Variants in OR1L6 observed in about 807,000 individuals in gnomAD.
The protein encoded by OR1L6 is olfactory receptor family 1 subfamily L member 6.
Under a neutral mutation model 3.0 loss-of-function variants are expected in OR1L6, and 2 were observed. The observed-to-expected ratio is 0.68, with a 90% CI of 0.28 to 2.13. OR1L6 has a LOEUF of 2.13. OR1L6 is among the 30% of genes most tolerant of loss of function. The probability of loss-of-function intolerance (pLI) is 0.14; values close to 1 mark genes in which losing one functional copy is unlikely to be tolerated. For synonymous variants in OR1L6, 121 were observed against 148.4 expected (o/e 0.82, Z 1.34); for missense variants, 304 against 378.4 (o/e 0.80, Z 1.63).
intron 1 of OR1L6, among the ~76,000 whole-genome samples, chr9:122,746,973 CT>C: frequency 6.6e-6 from 1 of 152,102 alleles, no homozygotes; most frequent in South Asian, 2.1e-4. Flanking sequence ...CATTTCATTT[CT>C]TGCTTGGAAT....
At chr9:122,743,915 G>C (rs1300682272) in intron 1 of OR1L6, among the ~76,000 whole-genome samples, 1 of 152,196 alleles carries the variant, frequency 6.6e-6, no homozygotes, top group Non-Finnish European at 1.5e-5. Context: ...TCTGTTGACA[G>C]AGGACACACC....
intron 1 of OR1L6, among the ~76,000 whole-genome samples, chr9:122,743,628 A>G (rs956099918): frequency 6.6e-6 from 1 of 152,202 alleles, no homozygotes; most frequent in Non-Finnish European, 1.5e-5. Context: ...CAAAACGTGG[A>G]CCCAGAAGAC....
chr9:122,750,093 G>C lies in OR1L6; in HGVS notation c.246G>C (p.Met82Ile). Residue 82 changes from methionine to isoleucine, a missense_variant, in exon 2 of 2, where the codon ATG (methionine) becomes ATC (isoleucine). Met to Ile is a conservative substitution (Grantham distance 10). This residue lies in a region of OR1L6 where 192 missense variants were observed against 242.7 expected (regional missense o/e 0.79). Transcript: ENST00000304720. ...TCACAACAGTCATAGTGCCTAAGAT[G>C]CTGGTGAATTTTCTATCAGAGACAA... is the stretch of plus-strand genomic sequence containing the variant. ...ICFTTVIVPK[M>I]LVNFLSETKV... 6.2e-7 allele frequency: 1 copy of C among 1,614,116 alleles called. No homozygotes were observed. Among genetic ancestry groups the C allele is most frequent in the Non-Finnish European group, 8.5e-7 (1 of 1,180,000 alleles).
intron 1 of OR1L6, chr9:122,749,627 G>A (rs1051512097): frequency 6.5e-6 from 4 of 610,930 alleles, no homozygotes; most frequent in African/African-American, 3.7e-5. Flanking sequence ...AAAATGGCAT[G>A]AACCCGAGAG....
rs556768596 is a variant in OR1L6 at position 122,749,107 on chromosome 9, T to C, written c.-13-728T>C. 1.1e-4 allele frequency among the ~76,000 whole-genome samples: 17 copies of C among 152,352 alleles called. 1 individual carries two copies. Among genetic ancestry groups the C allele is most frequent in the Admixed American group, 6.5e-5 (1 of 15,308 alleles). ...TATTTCTTTCTGTATTCTGTTCCAT[T>C]GATCTGTGTGTCTGTTTTTATACAG... On this transcript the variant is annotated intron_variant, in intron 1 of 1. Coordinates refer to ENST00000304720, the MANE Select transcript of OR1L6 (RefSeq NM_001004453.3).
chr9:122,747,098 T>C (rs1828844446), intron 1 of OR1L6, among the ~76,000 whole-genome samples: 1 of 152,124 alleles, frequency 6.6e-6, no homozygotes. Context: ...TTTATTTCTA[T>C]GTGTGGGTTA....
intron 1 of OR1L6, 139 bp downstream of exon 1, chr9:122,742,512 T>A (rs1236939013): frequency 6.6e-6 from 1 of 152,222 alleles, no homozygotes; most frequent in Non-Finnish European, 1.5e-5. Flanking sequence ...TATTTTTTCC[T>A]CTCTCTCTTT....
At chr9:122,747,761 G>A (rs1456443267) in intron 1 of OR1L6, among the ~76,000 whole-genome samples, 4 of 151,670 alleles carry the variant, frequency 2.6e-5, no homozygotes, top group African/African-American at 9.7e-5. Flanking sequence ...GTTTGGTAAA[G>A]TCTTCATAGA....
In OR1L6 at chr9:122,750,138, C is replaced by T. The variant is rs565102917; in HGVS notation, c.291C>T (p.Gly97=). The change falls in exon 2 of 2, where the codon GGC becomes GGT. Residue 97 remains glycine, a synonymous_variant. Coordinates refer to ENST00000304720, the MANE Select transcript of OR1L6 (RefSeq NM_001004453.3). ...AGACAAAGGTTATCTCCTATGTGGGCTGCCTGGCCCAGATGTACTTCTTTA... is the reference window on the plus strand; with the variant it reads ...AGACAAAGGTTATCTCCTATGTGGGTTGCCTGGCCCAGATGTACTTCTTTA... ...LSETKVISYV[G]CLAQMYFFMA... is the part of the protein sequence containing the mutation. 6.2e-7 allele frequency: 1 copy of T among 1,613,520 alleles called. No homozygotes were observed. Among genetic ancestry groups the T allele is most frequent in the East Asian group, 2.2e-5 (1 of 44,886 alleles).
chr9:122,746,032 TC>T (rs1384046071), intron 1 of OR1L6, among the ~76,000 whole-genome samples: 1 of 152,034 alleles, frequency 6.6e-6, no homozygotes, highest in African/African-American at 2.4e-5. Context: ...TGCCCTCCAC[TC>T]CCCGACAGCC....
chr9:122,747,139 G>T (rs1828844754), intron 1 of OR1L6, among the ~76,000 whole-genome samples: 2 of 152,048 alleles, frequency 1.3e-5, no homozygotes, highest in Non-Finnish European at 2.9e-5. Context: ...CTTTCCAAGT[G>T]TTCAACCAAT....
intron 1 of OR1L6, 125 bp from the exon 2 acceptor site, chr9:122,749,710 A>G (rs1564249669): frequency 1.1e-6 from 1 of 934,476 alleles, no homozygotes; most frequent in South Asian, 1.5e-5. Context: ...TCCGTCTCAA[A>G]GAAAAAAAAA....
In OR1L6 at chr9:122,750,572, G is replaced by A. The variant is rs778209463; in HGVS notation, c.725G>A (p.Cys242Tyr). 4.3e-6 allele frequency: 7 copies of A among 1,613,590 alleles called. No homozygotes were observed. In the Admixed American group the frequency reaches 1.2e-4, roughly 27 times the overall value. ...AAGKWKAFST[C>Y]GSHLTAVALF... ...GGGAAGTGGAAGGCCTTCTCTACCT[G>A]TGGCTCCCACCTCACTGCAGTAGCC... The change falls in exon 2 of 2, where the codon TGT becomes TAT. Residue 242 changes from cysteine (C) to tyrosine (Y), a missense_variant. Cys to Tyr is a radical substitution (Grantham distance 194). Around this residue, in one of 3 missense-constraint regions of OR1L6, gnomAD observed 91 missense variants for 87.8 expected, o/e 1.04. Coordinates refer to ENST00000304720, the MANE Select transcript of OR1L6 (RefSeq NM_001004453.3).
At chr9:122,747,049 T>C (rs1249424584) in intron 1 of OR1L6, among the ~76,000 whole-genome samples, 1 of 152,152 alleles carries the variant, frequency 6.6e-6, no homozygotes, top group African/African-American at 2.4e-5. Context: ...TACTTTGTAG[T>C]TTGGATTTTT....
At chr9:122,747,239 T>C (rs1433682338) in intron 1 of OR1L6, among the ~76,000 whole-genome samples, 1 of 152,130 alleles carries the variant, frequency 6.6e-6, no homozygotes, top group Non-Finnish European at 1.5e-5. Flanking sequence ...TGTCTCTATA[T>C]ATCTACCTAT....
chr9:122,742,987 G>A (rs1439990147), intron 1 of OR1L6, among the ~76,000 whole-genome samples: 2 of 152,118 alleles, frequency 1.3e-5, no homozygotes, highest in African/African-American at 4.8e-5. Context: ...CGCTTTCCTA[G>A]GATGCTAAAA....
chr9:122,742,539 T>C (rs10739619), intron 1 of OR1L6, among the ~76,000 whole-genome samples, 166 bp downstream of exon 1: 151,331 of 152,316 alleles, frequency 0.99, 75,184 homozygotes, highest in Middle Eastern at 1. Context: ...AAATATCAAA[T>C]ATTTGAAATA....
chr9:122,750,687 A>C lies in OR1L6; in HGVS notation c.840A>C (p.Thr280=). The C allele has an allele frequency of 6.2e-6, 10 of 1,614,012 alleles. No individual in the cohort carries two copies. The highest frequency in any genetic ancestry group is 7.6e-6 in the Non-Finnish European group (9 of 1,180,042). Residue 280 remains threonine (T), a synonymous_variant, in exon 2 of 2, where the codon ACA becomes ACC. Transcript: ENST00000304720. The part of the protein sequence containing the change: ...VRDRVATVMY[T]VVTPMLNPFI... ...ACCGGGTAGCCACAGTTATGTACACAGTAGTGACACCCATGCTGAACCCTT... is the reference window on the plus strand; with the variant it reads ...ACCGGGTAGCCACAGTTATGTACACCGTAGTGACACCCATGCTGAACCCTT...
At chr9:122,744,423 T>C (rs563945099) in intron 1 of OR1L6, among the ~76,000 whole-genome samples, 11 of 152,208 alleles carry the variant, frequency 7.2e-5, no homozygotes, top group East Asian at 5.8e-4. Flanking sequence ...CCTGGTTTCA[T>C]TGGGCCAAGA....
Sources: allele counts gnomAD v4.1 joint callset (sites outside exome capture counted in the v4.1 genomes callset), GRCh38; gene constraint gnomAD v4.1.1; regional missense constraint gnomAD v4.1.1; transcripts MANE v1.5; gene names NCBI Gene and HGNC (gene_info 2026-07-23, HGNC 2026-07-21).